HYOU1: variants seen among roughly 807,000 people sequenced by gnomAD.
HYOU1 encodes hypoxia up-regulated protein 1.
A neutral mutation model predicts 120.5 loss-of-function variants in HYOU1; 40 were observed. The observed-to-expected ratio is 0.33, with a 90% CI of 0.26 to 0.43. The LOEUF (loss-of-function observed/expected upper bound fraction) is 0.43, where lower values mean the gene tolerates loss of function less well. HYOU1 is among the 20% of genes least tolerant of loss of function. The pLI is 1.00. For missense variants in HYOU1, 1,085 were observed against 1,278.3 expected (o/e 0.85, Z 2.31); for synonymous variants, 501 against 479.4 (o/e 1.05, Z -0.59).
chr11:119,051,137 T>C lies in HYOU1; in HGVS notation c.1563A>G (p.Leu521=). 1.2e-6 allele frequency: 2 copies of C among 1,614,180 alleles called. No individual in the cohort carries two copies. Among genetic ancestry groups the C allele is most frequent in the Non-Finnish European group, 1.7e-6 (2 of 1,180,016 alleles). ...FGSQNLTTVK[L]KGVGDSFKKY... The stretch of plus-strand genomic sequence containing the variant: ...TCTTGAAGCTGTCACCCACCCCTTT[T>C]AGCTTCACTGTGGTCAGATTCTGGG... Residue 521 remains leucine, a synonymous_variant, in exon 14 of 26, where the codon CTA becomes CTG. Transcript: ENST00000617285. The surrounding 1 kb of genome is among the most constrained non-coding windows in gnomAD (Gnocchi z 4.2).
rs1944098783 is a variant in HYOU1 at position 119,046,701 on chromosome 11, G to A, written c.2697C>T (p.Asp899=). Residue 899 remains aspartate, a synonymous_variant, in exon 23 of 26, where the codon GAC becomes GAT. Coordinates refer to ENST00000617285, the MANE Select transcript of HYOU1 (RefSeq NM_006389.5). The part of the protein sequence containing the change: ...KDIEAKMMAL[D]REVQYLLNKA... ...TATTGAGCAGATACTGCACCTCTCG[G>A]TCCAGGGCCATCATCTTAGCTTCAA... The A allele has an allele frequency of 5.0e-6, 8 of 1,613,470 alleles. No individual in the cohort carries two copies. In the South Asian group the frequency reaches 6.6e-5, roughly 13 times the overall value.
Position 119,045,824 on chromosome 11 carries a change from C to T in HYOU1, c.2895G>A (p.Glu965=), listed in dbSNP as rs1359971145. ...SEPEKVETGS[E]PGDTEPLELG... Reference sequence around the variant, plus strand: ...ACTCCAAAGGCTCAGTGTCTCCTGGCTCGGATCCTGCTTTGGGAAGAAACA... The same window carrying T: ...ACTCCAAAGGCTCAGTGTCTCCTGGTTCGGATCCTGCTTTGGGAAGAAACA... The change falls in exon 25 of 26, where the codon GAG becomes GAA. Residue 965 remains glutamate (E), a synonymous_variant. Coordinates refer to ENST00000617285, the MANE Select transcript of HYOU1 (RefSeq NM_006389.5). The T allele has an allele frequency of 6.2e-7, 1 of 1,612,636 alleles. No individual in the cohort carries two copies. The highest frequency in any genetic ancestry group is 8.5e-7 in the Non-Finnish European group (1 of 1,179,716).
In HYOU1 at chr11:119,049,102, G is replaced by C. The variant is rs782311509; in HGVS notation, c.1908C>G (p.Pro636=). Residue 636 remains proline, a synonymous_variant, in exon 17 of 26, where the codon CCC becomes CCG. Transcript: ENST00000617285. ...AEAPVEDGSQ[P]PPPEPKGDAT... is the part of the protein sequence containing the mutation. ...CATCTCCCTTAGGTTCAGGGGGTGG[G>C]GGCTGAGAGCCATCCTCCACTGGGG... 1 of 1,614,072 alleles carries C rather than the reference G, an allele frequency of 6.2e-7. No homozygotes were observed. The highest frequency in any genetic ancestry group is 8.5e-7 in the Non-Finnish European group (1 of 1,179,998).
At chr11:119,056,756 G>T (rs1366593115) in intron 1 of HYOU1, 1 of 221,120 alleles carries the variant, frequency 4.5e-6, no homozygotes, top group Non-Finnish European at 9.3e-6. Context: ...GGGCGGTAAG[G>T]TTCCCCGCCC....
intron 15 of HYOU1, 61 bp downstream of exon 15, chr11:119,049,716 C>T (rs2133574901): frequency 1.2e-6 from 2 of 1,607,110 alleles, no homozygotes; most frequent in Middle Eastern, 1.7e-4. Flanking sequence ...ATGCCCTGTC[C>T]ACCTCCCCAA....
rs1005216640 is a variant in HYOU1 at position 119,046,872 on chromosome 11, TCA to T, written c.2596-72_2596-71del. On this transcript the variant is annotated intron_variant, in intron 22 of 25. Transcript: ENST00000617285. ...GCAGACATCTCTGTCCCAGATGGAATCACACCCCCAACCAGCCTCTTCCCTCA... is the reference window on the plus strand; with the variant it reads ...GCAGACATCTCTGTCCCAGATGGAATCACCCCCAACCAGCCTCTTCCCTCA... 5 of 1,556,660 alleles carry T rather than the reference TCA, an allele frequency of 3.2e-6. No homozygotes were observed. In the South Asian group the frequency reaches 4.8e-5, roughly 15 times the overall value.
At chr11:119,053,648 A>G (rs182860841) in intron 8 of HYOU1, 68 of 153,400 alleles carry the variant, frequency 4.4e-4, no homozygotes, top group Non-Finnish European at 8.3e-4. Context: ...AATTCTGCAA[A>G]TAAGAGGTGA....
rs2133613499 is a variant in HYOU1 at position 119,055,470 on chromosome 11, G to T, written c.264+23C>A. ...TCTCCTCTCCTCTGCCCACCACTCT[G>T]GGAAGAGGGACTGCTAGCTCACCAT... On this transcript the variant is annotated intron_variant, in intron 4 of 25. Coordinates refer to ENST00000617285, the MANE Select transcript of HYOU1 (RefSeq NM_006389.5). The surrounding 1 kb of genome is among the most constrained non-coding windows in gnomAD (Gnocchi z 4.0). The T allele has an allele frequency of 2.5e-5, 41 of 1,612,004 alleles. No homozygotes were observed. In the Middle Eastern group the frequency reaches 6.6e-4, roughly 26 times the overall value.
chr11:119,054,842 G>T lies in HYOU1; in HGVS notation c.496+142C>A, dbSNP rs1004549643. The T allele has an allele frequency of 2.7e-5, 28 of 1,042,128 alleles. No homozygotes were observed. The African/African-American group carries it at 4.4e-4, about 16-fold the overall frequency. 64.6% of individuals were successfully genotyped at this position (1,042,128 alleles called of 1,614,324 possible). ...CCGGCCTCTACCCACTAGATAGCAG[G>T]TGCACCCCTCAGATGTGACAACCAA... On this transcript the variant is annotated intron_variant, in intron 6 of 25. Transcript: ENST00000617285.
rs909007310 is a variant in HYOU1, at chr11:119,057,140, A to T, written c.-128T>A. The T allele has an allele frequency of 6.6e-6, 1 of 151,520 alleles. No individual in the cohort carries two copies. Among genetic ancestry groups the T allele is most frequent in the African/African-American group, 2.4e-5 (1 of 41,238 alleles). 9.4% of individuals were successfully genotyped at this position (151,520 alleles called of 1,614,324 possible). On this transcript the variant is annotated 5_prime_UTR_variant, in exon 1 of 26. An upstream start codon of the reference 5' UTR is lost. Coordinates refer to ENST00000617285, the MANE Select transcript of HYOU1 (RefSeq NM_006389.5). ...CTCCTCTCGGTTTGCAAACTGTTAC[A>T]TTAGCCACCAACCTCTCGGCGGCGT...
rs2133582931 is a variant in HYOU1 at position 119,051,172 on chromosome 11, C to T, written c.1528G>A (p.Val510Ile). 1.9e-6 allele frequency: 3 copies of T among 1,614,100 alleles called. No individual in the cohort carries two copies. The highest frequency in any genetic ancestry group is 2.5e-6 in the Non-Finnish European group (3 of 1,180,046). The change falls in exon 14 of 26, where the codon GTA (valine) becomes ATA (isoleucine). Residue 510 changes from valine to isoleucine, a missense_variant and splice_region_variant. Coordinates refer to ENST00000617285, the MANE Select transcript of HYOU1 (RefSeq NM_006389.5). The surrounding 1 kb of genome is among the most constrained non-coding windows in gnomAD (Gnocchi z 4.2). ...LGFLGPEDLR[V>I]FGSQNLTTVK... ...GTGGTCAGATTCTGGGAGCCAAATA[C>T]CCTGGTTGGGAAGGAAAGAGGAGTT...
Position 119,052,987 on chromosome 11 carries a change from C to T in HYOU1, c.795-158G>A. 1.6e-6 allele frequency: 1 copy of T among 642,514 alleles called. No individual in the cohort carries two copies. Among genetic ancestry groups the T allele is most frequent in the Non-Finnish European group, 2.6e-6 (1 of 379,750 alleles). The allele number at this position is 642,514 out of a possible 1,614,324, so 39.8% of individuals were successfully genotyped here. On this transcript the variant is annotated intron_variant, in intron 8 of 25. Coordinates refer to ENST00000617285, the MANE Select transcript of HYOU1 (RefSeq NM_006389.5). The surrounding 1 kb of genome is among the most constrained non-coding windows in gnomAD (Gnocchi z 5.0). ...GTGGACACACACTCTGCCCTCAACT[C>T]TCTACAGCACAGCTGACACCTCGCA...
At chr11:119,049,230 G>A (rs2133570961) in intron 16 of HYOU1, 27 bp from the exon 17 acceptor site, 1 of 1,587,528 alleles carries the variant, frequency 6.3e-7, no homozygotes, top group Admixed American at 1.8e-5. Flanking sequence ...GCGCCCCAGG[G>A]AACGATCAGG....
chr11:119,055,279 C>G lies in HYOU1; in HGVS notation c.325G>C (p.Asp109His). 6.2e-7 allele frequency: 1 copy of G among 1,614,126 alleles called. No homozygotes were observed. The change falls in exon 5 of 26, where the codon GAT becomes CAT. Residue 109 changes from aspartate (D) to histidine (H), a missense_variant. By Grantham distance (81) the Asp-to-His change is moderately conservative. Around this residue, in one of 4 missense-constraint regions of HYOU1, gnomAD observed 515 missense variants for 677.8 expected, o/e 0.76. Coordinates refer to ENST00000617285, the MANE Select transcript of HYOU1 (RefSeq NM_006389.5). The surrounding 1 kb of genome is among the most constrained non-coding windows in gnomAD (Gnocchi z 4.0). ...YFQHLLGKQADNPHVALYQAR... is the reference protein window; with the variant it reads ...YFQHLLGKQAHNPHVALYQAR... ...TGGTAAAGAGCTACATGGGGGTTAT[C>G]TGCCTGCTTCCCCAGGAGGTGCTGG...
At position 119,056,120 on chromosome 11, in the gene HYOU1, A is replaced by G; in HGVS notation, c.41T>C (p.Val14Ala). 6.2e-7 allele frequency: 1 copy of G among 1,613,876 alleles called. No individual in the cohort carries two copies. Among genetic ancestry groups the G allele is most frequent in the Non-Finnish European group, 8.5e-7 (1 of 1,179,984 alleles). The part of the protein sequence containing the change: ...KVRRQRPRRR[V>A]CWALVAVLLA... Reference sequence around the variant, plus strand: ...GAGCACAGCCACCAAGGCCCAACAGACTCGCCTCCTCGGCCTCTGCCTCCT... The same window carrying G: ...GAGCACAGCCACCAAGGCCCAACAGGCTCGCCTCCTCGGCCTCTGCCTCCT... Residue 14 changes from valine (V) to alanine (A), a missense_variant, in exon 2 of 26, where the codon GTC becomes GCC. Physicochemically the swap from Val to Ala is moderately conservative, Grantham distance 64 (BLOSUM62 0). Around this residue, in one of 4 missense-constraint regions of HYOU1, gnomAD observed 45 missense variants for 49.2 expected, o/e 0.91. Transcript: ENST00000617285.
Position 119,052,909 on chromosome 11 carries a change from A to C in HYOU1, c.795-80T>G. On this transcript the variant is annotated intron_variant, in intron 8 of 25. Coordinates refer to ENST00000617285, the MANE Select transcript of HYOU1 (RefSeq NM_006389.5). This position sits in a 1 kb window ranked among gnomAD's most constrained non-coding sequence, Gnocchi z 5.0. ...CTGCACAGGAGCCTCTCATCCCCACATGGCACCTTTCCTTCATCTCAGGGG... is the reference window on the plus strand; with the variant it reads ...CTGCACAGGAGCCTCTCATCCCCACCTGGCACCTTTCCTTCATCTCAGGGG... 3.1e-6 allele frequency: 4 copies of C among 1,291,734 alleles called. No individual in the cohort carries two copies. The highest frequency in any genetic ancestry group is 3.2e-6 in the Non-Finnish European group (3 of 942,050). The allele number at this position is 1,291,734 out of a possible 1,614,324, so 80.0% of individuals were successfully genotyped here.
chr11:119,054,305 C>T lies in HYOU1; in HGVS notation c.679-69G>A. Reference sequence around the variant, plus strand: ...TCCAGGGGGCCTGCCTGCCCACCCACCTGCTTCCAATGGGCTGTCTGACTC... The same window carrying T: ...TCCAGGGGGCCTGCCTGCCCACCCATCTGCTTCCAATGGGCTGTCTGACTC... On this transcript the variant is annotated intron_variant, in intron 7 of 25. Transcript: ENST00000617285. 13 of 1,328,464 alleles carry T rather than the reference C, an allele frequency of 9.8e-6. No homozygotes were observed. The Middle Eastern group carries it at 9.2e-4, about 94-fold the overall frequency. 82.3% of individuals were successfully genotyped at this position (1,328,464 alleles called of 1,614,324 possible).
chr11:119,045,810 T>TCAGTGTCTC lies in HYOU1; in HGVS notation c.2900_2908dup (p.Gly967_Thr969dup). On this transcript the variant is annotated inframe_insertion, in exon 25 of 26. Transcript: ENST00000617285. Reference sequence around the variant, plus strand: ...TCCAGGACCTCCTAACTCCAAAGGCTCAGTGTCTCCTGGCTCGGATCCTGC... The same window carrying TCAGTGTCTC: ...TCCAGGACCTCCTAACTCCAAAGGCTCAGTGTCTCCAGTGTCTCCTGGCTCGGATCCTGC... The TCAGTGTCTC allele has an allele frequency of 2.5e-6, 4 of 1,612,480 alleles. No homozygotes were observed. The highest frequency in any genetic ancestry group is 3.4e-6 in the Non-Finnish European group (4 of 1,179,636).
rs2133590706 is a variant in HYOU1, at chr11:119,052,147, A to G, written c.1148T>C (p.Val383Ala). 1 of 1,614,114 alleles carries G rather than the reference A, an allele frequency of 6.2e-7. No individual in the cohort carries two copies. Among genetic ancestry groups the G allele is most frequent in the East Asian group, 2.2e-5 (1 of 44,880 alleles). The part of the protein sequence containing the change: ...SLDEIEQVIL[V>A]GGATRVPRVQ... ...TCTGGGGACCCGAGTGGCCCCACCC[A>G]CCAGGATCACCTGCTCAATCTCATC... The change falls in exon 11 of 26, where the codon GTG becomes GCG. Residue 383 changes from valine (V) to alanine (A), a missense_variant. Coordinates refer to ENST00000617285, the MANE Select transcript of HYOU1 (RefSeq NM_006389.5). This position sits in a 1 kb window ranked among gnomAD's most constrained non-coding sequence, Gnocchi z 5.0.
Sources: allele counts gnomAD v4.1 joint callset, GRCh38; gene constraint gnomAD v4.1.1; regional missense constraint gnomAD v4.1.1; non-coding constraint Gnocchi (gnomAD v3.1); transcripts MANE v1.5; gene names NCBI Gene and HGNC (gene_info 2026-07-23, HGNC 2026-07-21).